The following ZNF536 variants were observed in gnomAD, a reference collection of about 807,000 sequenced individuals.
ZNF536 encodes the protein zinc finger protein 536.
Under a neutral mutation model 84.5 loss-of-function variants are expected in ZNF536, and 13 were observed. That is an observed-to-expected ratio of 0.15 (90% CI 0.10 to 0.24). The LOEUF is 0.24. Among genes scored for constraint, ZNF536 ranks in the 10% least tolerant of loss-of-function variants. ZNF536 has a pLI of 1.00. For synonymous variants in ZNF536, 811 were observed against 742.5 expected (o/e 1.09, Z -1.50); for missense variants, 1,536 against 1,747.5 (o/e 0.88, Z 2.16).
chr19:30,349,945 G>A lies in ZNF536; in HGVS notation c.-119-2423G>A, dbSNP rs533050521. 1.8e-4 allele frequency among the ~76,000 whole-genome samples: 28 copies of A among 152,152 alleles called. No homozygotes were observed. The East Asian group carries it at 5.2e-3, about 28-fold the overall frequency. On this transcript the variant is annotated intron_variant, in intron 2 of 5. Coordinates refer to the ZNF536 transcript ENST00000585628. The stretch of plus-strand genomic sequence containing the variant: ...ATGTGATTCAACTGAGGTTGTTAAT[G>A]TGGGTATACTTTTGTTAACCTTACT...
At chr19:30,349,708 T>C (rs2047870351) in intron 2 of ZNF536, among the ~76,000 whole-genome samples, 2 of 152,098 alleles carry the variant, frequency 1.3e-5, no homozygotes, top group East Asian at 1.9e-4. Context: ...CAACTAGCCA[T>C]CTTTTTGCCT....
At chr19:30,498,215 A>G (rs1450491769) in intron 2 of ZNF536, among the ~76,000 whole-genome samples, 1 of 152,364 alleles carries the variant, frequency 6.6e-6, no homozygotes, top group East Asian at 1.9e-4. Context: ...TAGACTGTAT[A>G]AAGAAAATGT....
intron 2 of ZNF536, among the ~76,000 whole-genome samples, chr19:30,486,508 GC>G (rs563109247): frequency 8.1e-4 from 123 of 152,254 alleles, no homozygotes; most frequent in African/African-American, 2.7e-3. Flanking sequence ...TCATTGATGG[GC>G]ATTTAGGTTG....
At chr19:30,450,469 G>A (rs778912843) in intron 2 of ZNF536, among the ~76,000 whole-genome samples, 34 of 152,162 alleles carry the variant, frequency 2.2e-4, no homozygotes, top group Non-Finnish European at 3.4e-4. Context: ...CCACCTCTAG[G>A]CAGGGAATTA....
intron 2 of ZNF536, among the ~76,000 whole-genome samples, chr19:30,453,372 T>C (rs1484216990): frequency 6.6e-6 from 1 of 152,184 alleles, no homozygotes; most frequent in Non-Finnish European, 1.5e-5. Context: ...TCGAGCCAGG[T>C]CTGGTTTAGG....
chr19:30,229,540 C>G (rs1317249095), intron 1 of ZNF536, among the ~76,000 whole-genome samples: 1 of 152,028 alleles, frequency 6.6e-6, no homozygotes, highest in East Asian at 1.9e-4. Context: ...CCTGGGGCTG[C>G]GCCCACCACC....
chr19:30,572,779 G>A (rs1203502381), intron 1 of ZNF536, among the ~76,000 whole-genome samples: 2 of 152,146 alleles, frequency 1.3e-5, no homozygotes. Flanking sequence ...ACATGAGAAG[G>A]TCAGGATTCT....
intron 2 of ZNF536, among the ~76,000 whole-genome samples, chr19:30,292,523 G>A (rs544095810): frequency 3.9e-5 from 6 of 152,022 alleles, no homozygotes; most frequent in South Asian, 2.1e-4. Flanking sequence ...GTAGAGACAC[G>A]TTTCCCAGGC....
chr19:30,638,660 TC>T (rs2049158295), intron 1 of ZNF536, among the ~76,000 whole-genome samples: 1 of 152,180 alleles, frequency 6.6e-6, no homozygotes, highest in African/African-American at 2.4e-5. Flanking sequence ...ATTCTCTACA[TC>T]AGATTTGGGT....
intron 1 of ZNF536, among the ~76,000 whole-genome samples, chr19:30,439,600 G>T (rs1028287000): frequency 6.6e-6 from 1 of 152,138 alleles, no homozygotes; most frequent in East Asian, 1.9e-4. Context: ...CAGCGGCCTC[G>T]GCTGCACCTG....
At chr19:30,524,756 A>G (rs2044506224) in intron 2 of ZNF536, among the ~76,000 whole-genome samples, 2 of 151,360 alleles carry the variant, frequency 1.3e-5, no homozygotes, top group Non-Finnish European at 3.0e-5. Flanking sequence ...AGGATCTTAA[A>G]AGCTATAGTG....
intron 2 of ZNF536, among the ~76,000 whole-genome samples, chr19:30,300,883 G>A (rs1294634309): frequency 6.6e-6 from 1 of 151,812 alleles, no homozygotes; most frequent in Non-Finnish European, 1.5e-5. Flanking sequence ...CTGGAGGTTC[G>A]AGTCCTAGCT....
At chr19:30,255,404 C>T (rs1424535840) in intron 1 of ZNF536, among the ~76,000 whole-genome samples, 1 of 151,940 alleles carries the variant, frequency 6.6e-6, no homozygotes, top group Non-Finnish European at 1.5e-5. Context: ...CATGCATGTA[C>T]ATTTTACACA....
chr19:30,685,047 A>G (rs1169108722), intron 1 of ZNF536, among the ~76,000 whole-genome samples: 2 of 152,188 alleles, frequency 1.3e-5, no homozygotes, highest in Non-Finnish European at 2.9e-5. Context: ...TTAGCCTACC[A>G]GATTGGACTC....
intron 2 of ZNF536, among the ~76,000 whole-genome samples, chr19:30,337,478 TGGGTTGG>T (rs1420113486): frequency 4.1e-4 from 63 of 152,174 alleles, no homozygotes; most frequent in African/African-American, 1.2e-3. Context: ...GAAGAACACA[TGGGTTGG>T]CAACAATGAC....
intron 2 of ZNF536, among the ~76,000 whole-genome samples, chr19:30,532,120 T>G (rs868860638): frequency 6.7e-6 from 1 of 148,698 alleles, no homozygotes. Context: ...GGAATTACCC[T>G]TCTTTTTTTT....
intron 2 of ZNF536, among the ~76,000 whole-genome samples, chr19:30,522,864 A>T (rs1391149642): frequency 6.6e-6 from 1 of 152,216 alleles, no homozygotes; most frequent in South Asian, 2.1e-4. Flanking sequence ...ATACATGCAC[A>T]TAGGTATATA....
intron 1 of ZNF536, among the ~76,000 whole-genome samples, chr19:30,378,906 C>A (rs2048914587): frequency 6.6e-6 from 1 of 152,158 alleles, no homozygotes; most frequent in Non-Finnish European, 1.5e-5. Context: ...GCTGGAGGGA[C>A]AAAGGTGTGG....
At chr19:30,693,137 A>AC (rs1208606277) in intron 1 of ZNF536, among the ~76,000 whole-genome samples, 1 of 151,430 alleles carries the variant, frequency 6.6e-6, no homozygotes, top group Non-Finnish European at 1.5e-5. Flanking sequence ...TGCTTCGGAC[A>AC]CCCCCCACTC....
Sources: gnomAD v4.1 joint callset for allele counts (sites outside exome capture counted in the v4.1 genomes callset) on GRCh38, gnomAD v4.1.1 for gene constraint, MANE v1.5 for transcripts, NCBI Gene and HGNC (gene_info 2026-07-23, HGNC 2026-07-21) for gene names.